The following MDGA2 variants were observed in gnomAD, a reference collection of about 807,000 sequenced individuals.
MDGA2 encodes the protein MAM domain-containing glycosylphosphatidylinositol anchor protein 2.
Under a neutral mutation model 117.8 loss-of-function variants are expected in MDGA2, and 40 were observed. The ratio of observed to expected loss-of-function variants is 0.34; its 90% CI spans 0.26 to 0.44. The LOEUF (loss-of-function observed/expected upper bound fraction) is 0.44, where lower values mean the gene tolerates loss of function less well. MDGA2 is among the 20% of genes least tolerant of loss of function. MDGA2 has a pLI of 1.00. For synonymous variants in MDGA2, 452 were observed against 439.0 expected (o/e 1.03, Z -0.37); for missense variants, 1,123 against 1,250.6 (o/e 0.90, Z 1.54).
At chr14:47,549,363 C>CTCTCTCTCTCTCTG (rs1555331375) in intron 1 of MDGA2, among the ~76,000 whole-genome samples, 1 of 151,874 alleles carries the variant, frequency 6.6e-6, no homozygotes, top group Admixed American at 6.6e-5. Context: ...CTCTCTCTCT[C>CTCTCTCTCTCTCTG]TCTCTCTCTG....
chr14:47,574,204 T>C (rs1461501057), intron 1 of MDGA2, among the ~76,000 whole-genome samples: 1 of 152,180 alleles, frequency 6.6e-6, no homozygotes, highest in African/African-American at 2.4e-5. Flanking sequence ...AACACTATTG[T>C]CCTTGCTGAA....
At chr14:46,987,309 C>CTGAA (rs1372775673) in intron 8 of MDGA2, among the ~76,000 whole-genome samples, 1 of 152,064 alleles carries the variant, frequency 6.6e-6, no homozygotes, top group Non-Finnish European at 1.5e-5. Flanking sequence ...TTGGTTAATG[C>CTGAA]TGAAGCACTG....
chr14:47,460,704 T>C (rs1322287908), intron 1 of MDGA2, among the ~76,000 whole-genome samples: 3 of 152,026 alleles, frequency 2.0e-5, no homozygotes, highest in Non-Finnish European at 4.4e-5. Context: ...TGGCATGCCA[T>C]GGTGTACTGA....
intron 2 of MDGA2, among the ~76,000 whole-genome samples, chr14:47,298,192 G>C (rs1030447386): frequency 6.6e-6 from 1 of 152,142 alleles, no homozygotes; most frequent in Non-Finnish European, 1.5e-5. Flanking sequence ...TGTTAGTCCT[G>C]GTGGAGCCAG....
At chr14:47,619,585 A>G (rs1057396839) in intron 1 of MDGA2, among the ~76,000 whole-genome samples, 1 of 152,180 alleles carries the variant, frequency 6.6e-6, no homozygotes, top group African/African-American at 2.4e-5. Flanking sequence ...GATGGCAAAC[A>G]TGGAATCTCA....
At chr14:47,210,887 G>C (rs1027054822) in intron 3 of MDGA2, among the ~76,000 whole-genome samples, 1 of 151,980 alleles carries the variant, frequency 6.6e-6, no homozygotes, top group South Asian at 2.1e-4. Context: ...AGGAGCCTGA[G>C]GGGGAGGATC....
chr14:46,873,323 G>T (rs1882090889), intron 14 of MDGA2, 110 bp downstream of exon 14: 2 of 948,320 alleles, frequency 2.1e-6, no homozygotes, highest in Non-Finnish European at 1.5e-6. Flanking sequence ...TTTAAAAAGT[G>T]AATTATAGCA....
At chr14:47,554,395 T>A (rs890493035) in intron 1 of MDGA2, among the ~76,000 whole-genome samples, 1 of 152,310 alleles carries the variant, frequency 6.6e-6, no homozygotes, top group South Asian at 2.1e-4. Context: ...CCTTGAAAAA[T>A]TATCTTGTCT....
chr14:47,462,526 G>A (rs902461590), intron 1 of MDGA2, among the ~76,000 whole-genome samples: 1 of 152,158 alleles, frequency 6.6e-6, no homozygotes, highest in Non-Finnish European at 1.5e-5. Flanking sequence ...AAACTTCCTG[G>A]ATGTTAACAA....
At chr14:46,922,540 G>T (rs976754110) in intron 9 of MDGA2, among the ~76,000 whole-genome samples, 14 of 152,226 alleles carry the variant, frequency 9.2e-5, no homozygotes, top group Admixed American at 9.2e-4. Context: ...CTCTTGAAAG[G>T]CCATATTTAT....
intron 7 of MDGA2, among the ~76,000 whole-genome samples, chr14:47,046,602 A>AAAT (rs1889275184): frequency 2.7e-5 from 4 of 149,086 alleles, no homozygotes; most frequent in Middle Eastern, 3.4e-3. Flanking sequence ...AAGTATAATA[A>AAAT]AAATAAATAA....
At chr14:46,847,948 T>C (rs1230271486) in intron 15 of MDGA2, among the ~76,000 whole-genome samples, 1 of 152,056 alleles carries the variant, frequency 6.6e-6, no homozygotes, top group Non-Finnish European at 1.5e-5. Context: ...CTTTGATATG[T>C]GTCCCTTACC....
At chr14:47,014,829 A>C (rs1888023396) in intron 8 of MDGA2, among the ~76,000 whole-genome samples, 1 of 152,270 alleles carries the variant, frequency 6.6e-6, no homozygotes, top group East Asian at 1.9e-4. Flanking sequence ...TGTTCACTGG[A>C]GTAGCACTTT....
chr14:47,300,649 C>G (rs1209304151), intron 2 of MDGA2, among the ~76,000 whole-genome samples: 3 of 151,184 alleles, frequency 2.0e-5, no homozygotes, highest in Non-Finnish European at 3.0e-5. Context: ...AACACCAGGC[C>G]CAGATAATTT....
chr14:46,910,202 C>T (rs1003576801), intron 10 of MDGA2, among the ~76,000 whole-genome samples: 5 of 150,690 alleles, frequency 3.3e-5, no homozygotes, highest in Admixed American at 2.0e-4. Context: ...TGTTTTCATC[C>T]CTGCCTTTTT....
intron 9 of MDGA2, among the ~76,000 whole-genome samples, chr14:46,950,111 CTG>C (rs1392661383): frequency 6.6e-5 from 10 of 151,782 alleles, no homozygotes; most frequent in African/African-American, 2.2e-4. Context: ...AGAAAAATAA[CTG>C]TTTAAAAAAT....
At chr14:47,223,613 G>C (rs529436964) in intron 2 of MDGA2, among the ~76,000 whole-genome samples, 3 of 152,188 alleles carry the variant, frequency 2.0e-5, no homozygotes, top group Non-Finnish European at 2.9e-5. Flanking sequence ...CTATCCCCCA[G>C]CTAAAATTTG....
intron 4 of MDGA2, among the ~76,000 whole-genome samples, chr14:47,141,317 A>G (rs941967588): frequency 2.0e-5 from 3 of 152,178 alleles, no homozygotes; most frequent in African/African-American, 7.2e-5. Flanking sequence ...AAATTAAGAC[A>G]GTATGTCGAG....
chr14:47,538,463 C>T (rs1895268639), intron 1 of MDGA2, among the ~76,000 whole-genome samples: 1 of 152,110 alleles, frequency 6.6e-6, no homozygotes, highest in East Asian at 1.9e-4. Flanking sequence ...GTGTTTCAGT[C>T]TATAACAAGA....
Sources: allele counts gnomAD v4.1 joint callset (sites outside exome capture counted in the v4.1 genomes callset), GRCh38; gene constraint gnomAD v4.1.1; transcripts MANE v1.5; gene names NCBI Gene and HGNC (gene_info 2026-07-23, HGNC 2026-07-21).